The following DST variants were observed in gnomAD, a reference collection of about 807,000 sequenced individuals.
DST encodes the protein dystonin, also known as bullous pemphigoid antigen.
In DST, 253 loss-of-function variants were observed where a neutral mutation model predicts 875.2. The observed-to-expected ratio is 0.29, with a 90% CI of 0.26 to 0.32. DST has a LOEUF of 0.32. Among genes scored for constraint, DST ranks in the 10% least tolerant of loss-of-function variants. The pLI, the probability that DST is intolerant of heterozygous loss-of-function variation, is 1.00. For synonymous variants in DST, 3,124 were observed against 3,197.1 expected (o/e 0.98, Z 0.77); for missense variants, 8,287 against 9,111.6 (o/e 0.91, Z 3.68).
At chr6:56,776,061 T>C (rs1395620542) in intron 4 of DST, among the ~76,000 whole-genome samples, 1 of 152,208 alleles carries the variant, frequency 6.6e-6, no homozygotes, top group East Asian at 1.9e-4. Context: ...AATAACATCA[T>C]AGTGACAAGT....
intron 4 of DST, among the ~76,000 whole-genome samples, chr6:56,775,271 G>A (rs540281770): frequency 1.1e-4 from 16 of 152,192 alleles, no homozygotes; most frequent in Admixed American, 5.2e-4. Context: ...AACAGTCTCC[G>A]TTAAACCCAA....
At chr6:56,911,674 T>C (rs62411419) in intron 2 of DST, among the ~76,000 whole-genome samples, 8,192 of 152,226 alleles carry the variant, frequency 0.054, 344 homozygotes, top group East Asian at 0.17. Flanking sequence ...TGTCTCTGAT[T>C]CTGCATCCAA....
intron 3 of DST, among the ~76,000 whole-genome samples, chr6:56,891,490 C>T (rs1041833648): frequency 1.3e-5 from 2 of 148,712 alleles, no homozygotes; most frequent in South Asian, 2.1e-4. Context: ...TGGCGTGAAC[C>T]GGGAGGTGGA....
At chr6:56,817,112 GTAAAT>G (rs1217518786) in intron 4 of DST, among the ~76,000 whole-genome samples, 1 of 143,406 alleles carries the variant, frequency 7.0e-6, no homozygotes, top group South Asian at 2.2e-4. Flanking sequence ...CACACACAAA[GTAAAT>G]TAAATTTTTT....
Position 56,609,295 on chromosome 6 carries a change from A to C in DST, c.5333T>G (p.Leu1778Arg). ...GTIDQTTGEV[L>R]SVFQAVLRGL... The stretch of plus-strand genomic sequence containing the variant: ...TCTTAAAACTGCTTGAAAGACTGAA[A>C]GGACTTCTCCAGTTGTCTGATCAAT... Residue 1778 changes from leucine to arginine, a missense_variant, in exon 40 of 104, where the codon CTT becomes CGT. Leu to Arg is a moderately radical substitution (Grantham distance 102). This residue lies in a region of DST where 3,138 missense variants were observed against 3,116.6 expected (regional missense o/e 1.01). Coordinates refer to ENST00000680361, the MANE Select transcript of DST (RefSeq NM_001374736.1). 1 of 1,613,374 alleles carries C rather than the reference A, an allele frequency of 6.2e-7. No individual in the cohort carries two copies. The highest frequency in any genetic ancestry group is 8.5e-7 in the Non-Finnish European group (1 of 1,179,624).
intron 55 of DST, 71 bp downstream of exon 55, chr6:56,568,398 T>C: frequency 1.3e-6 from 2 of 1,500,540 alleles, no homozygotes; most frequent in Non-Finnish European, 1.8e-6. Flanking sequence ...ATTTAAAAAA[T>C]AACATACACA....
intron 38 of DST, among the ~76,000 whole-genome samples, chr6:56,611,224 C>T (rs1195816124): frequency 6.6e-6 from 1 of 152,096 alleles, no homozygotes; most frequent in Non-Finnish European, 1.5e-5. Context: ...AGACTTGACT[C>T]GGAGTCTGCA....
intron 3 of DST, among the ~76,000 whole-genome samples, chr6:56,872,383 G>A (rs767662606): frequency 2.0e-5 from 3 of 152,026 alleles, no homozygotes; most frequent in Non-Finnish European, 4.4e-5. Context: ...TAAGCTAGGC[G>A]CAGTGGCTCA....
intron 4 of DST, among the ~76,000 whole-genome samples, chr6:56,782,461 T>TG (rs369274965): frequency 0.13 from 19,082 of 152,216 alleles, 1,642 homozygotes; most frequent in Non-Finnish European, 0.19. Flanking sequence ...GGAGAGTGCA[T>TG]GTGTTGAGGA....
At chr6:56,494,411 T>G (rs2095846518) in intron 82 of DST, among the ~76,000 whole-genome samples, 2 of 152,136 alleles carry the variant, frequency 1.3e-5, no homozygotes, top group South Asian at 4.1e-4. Flanking sequence ...ATCAGCCCAT[T>G]CTGGCATGCT....
chr6:56,529,892 A>G, intron 65 of DST, 82 bp downstream of exon 65: 1 of 1,531,910 alleles, frequency 6.5e-7, no homozygotes, highest in Non-Finnish European at 8.8e-7. Flanking sequence ...AATTAAACAA[A>G]ACAATAGTAC....
intron 8 of DST, among the ~76,000 whole-genome samples, chr6:56,701,121 T>C (rs2099302523): frequency 6.6e-6 from 1 of 151,630 alleles, no homozygotes; most frequent in Non-Finnish European, 1.5e-5. Context: ...CTGAGATTAC[T>C]GGCATGAGCC....
At position 56,889,544 on chromosome 6, in the gene DST, T is replaced by C. The variant is rs181463472; in HGVS notation, c.417+10877A>G. On this transcript the variant is annotated intron_variant, in intron 3 of 103. Transcript: ENST00000680361. ...AGCTTTGGCAATAACCTGGGAACACTAGCAATTTTTAATTATACTTTTTCA... is the reference window on the plus strand; with the variant it reads ...AGCTTTGGCAATAACCTGGGAACACCAGCAATTTTTAATTATACTTTTTCA... 9.2e-4 allele frequency among the ~76,000 whole-genome samples: 140 copies of C among 152,292 alleles called. No individual in the cohort carries two copies. The South Asian group carries it at 0.025, about 28-fold the overall frequency.
rs2098511415 is a variant in DST at position 56,607,782 on chromosome 6, A to T, written c.6846T>A (p.Cys2282Ter). The T allele has an allele frequency of 1.2e-6, 2 of 1,613,410 alleles. No individual in the cohort carries two copies. The highest frequency in any genetic ancestry group is 8.5e-7 in the Non-Finnish European group (1 of 1,179,706). The change falls in exon 40 of 104, where the codon TGT (cysteine) becomes TGA (stop). Residue 2282 changes from cysteine to a stop codon, truncating the protein, a stop_gained. Coordinates refer to ENST00000680361, the MANE Select transcript of DST (RefSeq NM_001374736.1). LOFTEE classifies it high-confidence loss of function. ...CTATPSSFNK[C>*]HCGEPEHEET... is the part of the protein sequence containing the mutation. ...CTTCATGTTCAGGTTCTCCACAGTGACATTTATTGAAACTACTTGGTGTAG... is the reference window on the plus strand; with the variant it reads ...CTTCATGTTCAGGTTCTCCACAGTGTCATTTATTGAAACTACTTGGTGTAG...
At chr6:56,750,444 G>A (rs1259572167) in intron 4 of DST, among the ~76,000 whole-genome samples, 2 of 152,128 alleles carry the variant, frequency 1.3e-5, no homozygotes, top group African/African-American at 4.8e-5. Flanking sequence ...ACCTTTCTGA[G>A]ATCTCCTTAC....
chr6:56,924,678 T>G (rs953223921), intron 2 of DST, among the ~76,000 whole-genome samples: 8 of 151,464 alleles, frequency 5.3e-5, no homozygotes, highest in East Asian at 1.9e-4. Flanking sequence ...AGAGAGCTAG[T>G]TTTTTTTTGG....
intron 95 of DST, among the ~76,000 whole-genome samples, chr6:56,470,717 G>C (rs1365831819): frequency 6.8e-6 from 1 of 147,448 alleles, no homozygotes; most frequent in Non-Finnish European, 1.5e-5. Context: ...AGTTAGATCA[G>C]AATGTGAATT....
chr6:56,723,824 G>A (rs1375556820), intron 5 of DST, among the ~76,000 whole-genome samples: 1 of 152,116 alleles, frequency 6.6e-6, no homozygotes, highest in Admixed American at 6.5e-5. Context: ...TCTCTTTTTA[G>A]TATGCTAATG....
chr6:56,791,050 A>G (rs770729051), intron 4 of DST, among the ~76,000 whole-genome samples: 3 of 152,238 alleles, frequency 2.0e-5, no homozygotes, highest in Admixed American at 1.3e-4. Context: ...AAGAAGGCCA[A>G]GAGAGTGGGT....
Sources: gnomAD v4.1 joint callset for allele counts (sites outside exome capture counted in the v4.1 genomes callset) on GRCh38, gnomAD v4.1.1 for gene constraint, gnomAD v4.1.1 regional missense constraint, MANE v1.5 for transcripts, NCBI Gene and HGNC (gene_info 2026-07-23, HGNC 2026-07-21) for gene names.